The following PHEX variants were observed in gnomAD, a reference collection of about 807,000 sequenced individuals.
The protein encoded by PHEX is phosphate regulating endopeptidase X-linked.
PHEX carries 16 observed loss-of-function variants against 68.0 expected under a neutral mutation model. The observed-to-expected ratio is 0.24, with a 90% CI of 0.16 to 0.36. PHEX has a LOEUF of 0.36. Among genes scored for constraint, PHEX ranks in the 10% least tolerant of loss-of-function variants. The pLI is 1.00. For missense variants in PHEX, 480 were observed against 575.5 expected (o/e 0.83, Z 1.70); for synonymous variants, 208 against 205.1 (o/e 1.01, Z -0.12).
intron 11 of PHEX, among the ~76,000 whole-genome samples, chrX:22,132,792 T>C (rs1360890071): frequency 1.8e-5 from 2 of 112,138 alleles, no homozygotes; most frequent in Non-Finnish European, 3.8e-5. Flanking sequence ...TTTGTCATAA[T>C]CTATGGTGAA....
chrX:22,152,917 G>A (rs1932879429), intron 12 of PHEX, among the ~76,000 whole-genome samples: 1 of 111,534 alleles, frequency 9.0e-6, no homozygotes, highest in Non-Finnish European at 1.9e-5. Context: ...CAGTATGCAG[G>A]GCTTATTTGC....
intron 12 of PHEX, among the ~76,000 whole-genome samples, chrX:22,135,583 GC>G (rs1361869458): frequency 9.0e-6 from 1 of 111,705 alleles, no homozygotes; most frequent in Non-Finnish European, 1.9e-5. Flanking sequence ...AGTTCTTTGA[GC>G]AGTGTGGATT....
intron 12 of PHEX, among the ~76,000 whole-genome samples, chrX:22,147,525 A>G (rs1318327125): frequency 9.1e-6 from 1 of 110,000 alleles, no homozygotes; most frequent in Non-Finnish European, 1.9e-5. Flanking sequence ...AGAGAGAGAA[A>G]TTGTATTTAA....
rs753177817 is a variant in PHEX, at chrX:22,220,132, C to T, written c.1768+1029C>T. Among the ~76,000 whole-genome samples the T allele has an allele frequency of 1.5e-3, 163 of 111,524 alleles. 1 individual carries two copies. Among genetic ancestry groups the T allele is most frequent in the Non-Finnish European group, 1.2e-3 (64 of 53,096 alleles). On this transcript the variant is annotated intron_variant, in intron 17 of 21. Coordinates refer to ENST00000379374, the MANE Select transcript of PHEX (RefSeq NM_000444.6). ...GGCCACATGAAATCTCTGAAACTTA[C>T]GGATTAGTAGCAAATTACTATCACA...
Position 22,248,896 on chromosome X carries a change from GA to G in PHEX, c.*944del, listed in dbSNP as rs1936469854. ...GCAGACATTGAGAAAACAATTTTCT[GA>G]TTCCCCATTAGGAACATATGATTTT... is the stretch of plus-strand genomic sequence containing the variant. On this transcript the variant is annotated 3_prime_UTR_variant, in exon 22 of 22. Transcript: ENST00000379374. The G allele has an allele frequency of 9.2e-6, 1 of 109,105 alleles. No individual in the cohort carries two copies. Among genetic ancestry groups the G allele is most frequent in the South Asian group, 3.9e-4 (1 of 2,552 alleles). The allele number at this position is 109,105 out of a possible 1,213,427, so 9.0% of individuals were successfully genotyped here.
chrX:22,061,681 G>A (rs1265995430), intron 3 of PHEX, among the ~76,000 whole-genome samples: 2 of 111,390 alleles, frequency 1.8e-5, no homozygotes, highest in South Asian at 7.6e-4. Flanking sequence ...GCACCAAGCA[G>A]TATAACTAGC....
chrX:22,106,215 T>C (rs1286185656), intron 9 of PHEX, among the ~76,000 whole-genome samples: 1 of 111,822 alleles, frequency 8.9e-6, no homozygotes, highest in African/African-American at 3.3e-5. Flanking sequence ...GTGGTAATAT[T>C]AGCACTCCAA....
At chrX:22,106,522 G>T (rs1930695688) in intron 9 of PHEX, among the ~76,000 whole-genome samples, 1 of 111,566 alleles carries the variant, frequency 9.0e-6, no homozygotes, top group Admixed American at 9.5e-5. Context: ...TGTAATCCCA[G>T]CAACTTGGGA....
chrX:22,236,097 G>A (rs746777061), intron 20 of PHEX, among the ~76,000 whole-genome samples: 1 of 111,405 alleles, frequency 9.0e-6, no homozygotes, highest in Non-Finnish European at 1.9e-5. Context: ...GCCCATTACT[G>A]TCTCTTTGGC....
At chrX:22,035,558 A>G (rs1926967911) in intron 1 of PHEX, among the ~76,000 whole-genome samples, 1 of 112,202 alleles carries the variant, frequency 8.9e-6, no homozygotes, top group African/African-American at 3.2e-5. Flanking sequence ...ATGAAATATT[A>G]TTTTCCTTTT....
Position 22,247,859 on chromosome X carries a change from G to A in PHEX, c.2156G>A (p.Gly719Asp). Reference protein sequence around the residue: ...AHSPPQFRVNGAISNFEEFQK... With the variant: ...AHSPPQFRVNDAISNFEEFQK... ...GACATATCGTTTTTCAGGGTCAATG[G>A]TGCAATTAGTAACTTTGAAGAATTC... is the stretch of plus-strand genomic sequence containing the variant. The change falls in exon 22 of 22, where the codon GGT (glycine) becomes GAT (aspartate). Residue 719 changes from glycine to aspartate, a missense_variant. Physicochemically the swap from Gly to Asp is moderately conservative, Grantham distance 94 (BLOSUM62 -1). Transcript: ENST00000379374. 1 of 1,194,086 alleles carries A rather than the reference G, an allele frequency of 8.4e-7. No individual in the cohort carries two copies. The highest frequency in any genetic ancestry group is 1.1e-6 in the Non-Finnish European group (1 of 879,476).
intron 11 of PHEX, among the ~76,000 whole-genome samples, chrX:22,129,354 A>T (rs1477795954): frequency 8.9e-6 from 1 of 112,139 alleles, no homozygotes; most frequent in Non-Finnish European, 1.9e-5. Context: ...CAAAATCGTG[A>T]ATAAGGGGGT....
At chrX:22,172,053 CAG>C (rs1302340591) in intron 13 of PHEX, 1 of 112,181 alleles carries the variant, frequency 8.9e-6, no homozygotes. Flanking sequence ...GCAAAGGAAT[CAG>C]AAATTTTTTA....
chrX:22,198,759 G>GT lies in PHEX; in HGVS notation c.1645+8264dup, dbSNP rs760154429. ...GAACAGGCCAGAGGGAGCTAGTATA[G>GT]TTTTTTTGCGGGGAGGCAAATAACT... On this transcript the variant is annotated intron_variant, in intron 15 of 21. Transcript: ENST00000379374. Among the ~76,000 whole-genome samples the GT allele has an allele frequency of 4.9e-4, 54 of 111,281 alleles. 1 individual carries two copies. The highest frequency in any genetic ancestry group is 2.5e-3 in the Admixed American group (26 of 10,453).
chrX:22,201,500 T>G (rs1934555969), intron 15 of PHEX, among the ~76,000 whole-genome samples: 1 of 110,921 alleles, frequency 9.0e-6, no homozygotes, highest in African/African-American at 3.3e-5. Flanking sequence ...ACACCGATTT[T>G]AAGGCATTCT....
At chrX:22,240,267 T>C (rs987116258) in intron 20 of PHEX, among the ~76,000 whole-genome samples, 6 of 112,218 alleles carry the variant, frequency 5.3e-5, no homozygotes, top group Non-Finnish European at 5.6e-5. Context: ...GAACAACTGG[T>C]ACCAGCCACT....
At chrX:22,077,101 C>T (rs1254965046) in intron 4 of PHEX, among the ~76,000 whole-genome samples, 2 of 111,974 alleles carry the variant, frequency 1.8e-5, no homozygotes, top group East Asian at 2.8e-4. Context: ...ATCACTTCTT[C>T]TTCATTGGGT....
intron 18 of PHEX, among the ~76,000 whole-genome samples, chrX:22,223,632 C>A (rs1438836777): frequency 3.8e-5 from 4 of 104,993 alleles, no homozygotes; most frequent in Non-Finnish European, 6.0e-5. Flanking sequence ...GCCTGTAGTC[C>A]CAGCTACTCA....
intron 3 of PHEX, among the ~76,000 whole-genome samples, chrX:22,049,607 C>T (rs1311353318): frequency 1.8e-5 from 2 of 110,308 alleles, no homozygotes; most frequent in Admixed American, 1.9e-4. Flanking sequence ...TACGGTGGCT[C>T]ATGCCTGTAA....
Sources: gnomAD v4.1 joint callset for allele counts (sites outside exome capture counted in the v4.1 genomes callset) on GRCh38, gnomAD v4.1.1 for gene constraint, MANE v1.5 for transcripts, NCBI Gene and HGNC (gene_info 2026-07-23, HGNC 2026-07-21) for gene names.